Variants in CSMD2 observed in about 807,000 individuals in gnomAD.
The protein encoded by CSMD2 is CUB and sushi domain-containing protein 2.
Under a neutral mutation model 398.5 loss-of-function variants are expected in CSMD2, and 130 were observed. That is an observed-to-expected ratio of 0.33 (90% CI 0.28 to 0.38). The LOEUF (loss-of-function observed/expected upper bound fraction) is 0.38. Among genes scored for constraint, CSMD2 ranks in the 10% least tolerant of loss-of-function variants. The probability of loss-of-function intolerance (pLI) is 1.00; values close to 1 mark genes in which losing one functional copy is unlikely to be tolerated. For missense variants in CSMD2, 3,829 were observed against 4,764.9 expected (o/e 0.80, Z 5.78); for synonymous variants, 1,828 against 1,908.5 (o/e 0.96, Z 1.10).
intron 22 of CSMD2, among the ~76,000 whole-genome samples, chr1:33,705,935 A>T (rs643544): frequency 0.44 from 64,322 of 144,986 alleles, 13,734 homozygotes; most frequent in Middle Eastern, 0.6. Flanking sequence ...TTTATTATTT[A>T]AAAAAAAAAA....
At chr1:33,804,869 G>T (rs1258056196) in intron 10 of CSMD2, 1 of 717,240 alleles carries the variant, frequency 1.4e-6, no homozygotes, top group Non-Finnish European at 2.6e-6. Flanking sequence ...CCTCCTTGTT[G>T]CATTGTATGT....
intron 5 of CSMD2, chr1:33,863,927 C>T (rs1402326791): frequency 5.1e-6 from 2 of 393,224 alleles, no homozygotes; most frequent in Admixed American, 8.6e-5. Flanking sequence ...AACATTGACC[C>T]TCAAGTAACC....
chr1:34,050,961 C>A (rs1653107214), intron 2 of CSMD2, among the ~76,000 whole-genome samples: 1 of 152,140 alleles, frequency 6.6e-6, no homozygotes, highest in Admixed American at 6.5e-5. Flanking sequence ...CAACAATGAT[C>A]CTACTGTGCT....
At chr1:34,017,369 T>C (rs1648275398) in intron 3 of CSMD2, among the ~76,000 whole-genome samples, 2 of 152,240 alleles carry the variant, frequency 1.3e-5, no homozygotes, top group Admixed American at 1.3e-4. Context: ...TCTCCTTAAC[T>C]ATTCTTTGTT....
intron 3 of CSMD2, among the ~76,000 whole-genome samples, chr1:33,980,042 G>A (rs549961955): frequency 4.6e-5 from 7 of 152,312 alleles, no homozygotes; most frequent in Middle Eastern, 3.4e-3. Flanking sequence ...AAGTGTCCTG[G>A]AACCAGGGGA....
At chr1:34,013,143 G>A (rs952001244) in intron 3 of CSMD2, among the ~76,000 whole-genome samples, 9 of 152,180 alleles carry the variant, frequency 5.9e-5, no homozygotes, top group African/African-American at 1.9e-4. Context: ...TCAGCCTTCC[G>A]GGGAGGGCTG....
chr1:33,825,836 C>T, intron 6 of CSMD2, 62 bp from the exon 7 acceptor site: 1 of 1,357,598 alleles, frequency 7.4e-7, no homozygotes. Flanking sequence ...GATAAGGGTC[C>T]CTCTAGAAGG....
chr1:33,645,518 G>A (rs1643377952), intron 29 of CSMD2, among the ~76,000 whole-genome samples: 1 of 152,136 alleles, frequency 6.6e-6, no homozygotes, highest in Non-Finnish European at 1.5e-5. Flanking sequence ...AATCAAGCAA[G>A]GAAGGGAGCT....
At chr1:33,725,087 C>T (rs983566348) in intron 17 of CSMD2, among the ~76,000 whole-genome samples, 2 of 152,196 alleles carry the variant, frequency 1.3e-5, no homozygotes, top group Admixed American at 6.5e-5. Context: ...GAGTGCCCAG[C>T]GTGGCGGCAC....
intron 5 of CSMD2, chr1:33,864,823 G>C (rs2125126095): frequency 3.8e-6 from 5 of 1,310,476 alleles, no homozygotes; most frequent in Non-Finnish European, 5.3e-6. Context: ...TGTGGCATTA[G>C]AGTAGCTGTG....
At chr1:34,087,612 TATAATAATAATAATAATA>T (rs71717621) in intron 2 of CSMD2, among the ~76,000 whole-genome samples, 27 of 138,346 alleles carry the variant, frequency 2.0e-4, no homozygotes, top group East Asian at 1.4e-3. Context: ...GAACTTAAAG[TATAATAATAATAATAATA>T]ATAATAATAA....
At chr1:33,583,620 G>C in intron 47 of CSMD2, 22 bp downstream of exon 47, 1 of 1,608,956 alleles carries the variant, frequency 6.2e-7, no homozygotes, top group South Asian at 1.1e-5. Context: ...GCAGAGAACT[G>C]TGAGGCATTT....
chr1:33,843,679 G>A (rs1043384366), intron 6 of CSMD2, among the ~76,000 whole-genome samples: 1 of 152,176 alleles, frequency 6.6e-6, no homozygotes, highest in African/African-American at 2.4e-5. Context: ...CCAGGGCAGG[G>A]AGCAGGACAG....
chr1:33,796,412 T>C (rs997780275), intron 10 of CSMD2, among the ~76,000 whole-genome samples: 6 of 152,384 alleles, frequency 3.9e-5, no homozygotes, highest in African/African-American at 1.4e-4. Context: ...ATAATACTTT[T>C]ATAATTTCTT....
chr1:33,717,216 T>G (rs1557780946), intron 19 of CSMD2, among the ~76,000 whole-genome samples: 1 of 152,056 alleles, frequency 6.6e-6, no homozygotes, highest in East Asian at 1.9e-4. Flanking sequence ...AGACCCAATA[T>G]TTTTCTGGAG....
chr1:34,151,711 C>G (rs745415756), intron 1 of CSMD2, among the ~76,000 whole-genome samples: 7 of 152,102 alleles, frequency 4.6e-5, no homozygotes, highest in African/African-American at 1.2e-4. Flanking sequence ...CAGACAGCAC[C>G]TGGAAAGGAC....
At chr1:33,642,787 A>G (rs1443130335) in intron 29 of CSMD2, among the ~76,000 whole-genome samples, 1 of 152,104 alleles carries the variant, frequency 6.6e-6, no homozygotes, top group Non-Finnish European at 1.5e-5. Flanking sequence ...TGTTTTTATA[A>G]TAAGTTACCC....
chr1:34,125,507 C>CTGTGTG (rs35436778), intron 1 of CSMD2, among the ~76,000 whole-genome samples: 5,758 of 141,074 alleles, frequency 0.041, 132 homozygotes, highest in East Asian at 0.11. Flanking sequence ...TCAACCTTGG[C>CTGTGTG]TGTGTGTGTG....
At chr1:33,588,041 C>T (rs966564079) in intron 44 of CSMD2, among the ~76,000 whole-genome samples, 1 of 152,168 alleles carries the variant, frequency 6.6e-6, no homozygotes, top group African/African-American at 2.4e-5. Context: ...AGGAAGAAAT[C>T]AAACTTATCC....
Sources: gnomAD v4.1 joint callset for allele counts (sites outside exome capture counted in the v4.1 genomes callset) on GRCh38, gnomAD v4.1.1 for gene constraint, MANE v1.5 for transcripts, NCBI Gene and HGNC (gene_info 2026-07-23, HGNC 2026-07-21) for gene names.